The following CSMD3 variants were observed in gnomAD, a reference collection of about 807,000 sequenced individuals.
CSMD3 encodes CUB and sushi domain-containing protein 3.
CSMD3 carries 177 observed loss-of-function variants against 435.2 expected under a neutral mutation model. The observed-to-expected ratio is 0.41, with a 90% CI of 0.36 to 0.46. The LOEUF (loss-of-function observed/expected upper bound fraction) is 0.46, where lower values mean the gene tolerates loss of function less well. Ranked by LOEUF, CSMD3 falls within the 20% of genes least tolerant of loss-of-function variation. The pLI is 0.34. For missense variants in CSMD3, 4,265 were observed against 4,504.6 expected (o/e 0.95, Z 1.52); for synonymous variants, 1,656 against 1,520.5 (o/e 1.09, Z -2.07).
At chr8:112,400,926 G>T (rs1409321974) in intron 35 of CSMD3, among the ~76,000 whole-genome samples, 2 of 152,042 alleles carry the variant, frequency 1.3e-5, no homozygotes, top group African/African-American at 2.4e-5. Flanking sequence ...ATAGTCTTGG[G>T]CCAGGCCCGG....
chr8:112,535,469 G>A (rs1199634559), intron 27 of CSMD3, among the ~76,000 whole-genome samples: 1 of 151,502 alleles, frequency 6.6e-6, no homozygotes, highest in Non-Finnish European at 1.5e-5. Context: ...TACAAGGGAT[G>A]TGAAGGACCT....
intron 27 of CSMD3, among the ~76,000 whole-genome samples, chr8:112,522,232 C>T (rs886343955): frequency 6.6e-6 from 1 of 151,734 alleles, no homozygotes; most frequent in Non-Finnish European, 1.5e-5. Context: ...AAAAGATAGA[C>T]ATGTAAAAGT....
chr8:112,315,911 T>C (rs1822413718), intron 47 of CSMD3, among the ~76,000 whole-genome samples: 1 of 151,836 alleles, frequency 6.6e-6, no homozygotes, highest in South Asian at 2.1e-4. Flanking sequence ...GAGTTGGGAT[T>C]GAAAACTACT....
intron 24 of CSMD3, among the ~76,000 whole-genome samples, chr8:112,558,248 C>A (rs115473946): frequency 1.3e-5 from 2 of 151,744 alleles, no homozygotes; most frequent in Non-Finnish European, 2.9e-5. Context: ...AACCTCTCCC[C>A]CAAAGCGAGC....
At chr8:113,052,455 A>G (rs2088139607) in intron 5 of CSMD3, among the ~76,000 whole-genome samples, 1 of 152,198 alleles carries the variant, frequency 6.6e-6, no homozygotes, top group Admixed American at 6.5e-5. Context: ...TTACCATCTA[A>G]TAAGAAAAAT....
rs549250342 is a variant in CSMD3 at position 112,625,330 on chromosome 8, G to A, written c.3715+11487C>T. On this transcript the variant is annotated intron_variant, in intron 22 of 70. Transcript: ENST00000297405. ...TCTCAAACATCATGATTGAACAAGT[G>A]AGAAATCATATTATATTATCAGAAA... Among the ~76,000 whole-genome samples, 80 of 152,118 alleles carry A rather than the reference G, an allele frequency of 5.3e-4. 1 individual carries two copies. The highest frequency in any genetic ancestry group is 5.0e-3 in the South Asian group (24 of 4,814).
chr8:113,355,283 T>G (rs776773000), intron 1 of CSMD3, among the ~76,000 whole-genome samples: 7 of 151,584 alleles, frequency 4.6e-5, no homozygotes, highest in African/African-American at 1.7e-4. Flanking sequence ...CACACACACA[T>G]ATATATATAT....
At chr8:113,395,498 A>C (rs1330053659) in intron 1 of CSMD3, among the ~76,000 whole-genome samples, 1 of 151,404 alleles carries the variant, frequency 6.6e-6, no homozygotes, top group Non-Finnish European at 1.5e-5. Context: ...AGTCCCAGCT[A>C]TTCGGGAGGC....
At chr8:112,510,066 C>A (rs1382663435) in intron 28 of CSMD3, among the ~76,000 whole-genome samples, 9 of 152,116 alleles carry the variant, frequency 5.9e-5, no homozygotes, top group Non-Finnish European at 1.5e-5. Context: ...TTTTTCACTG[C>A]ATCCTTATAT....
intron 1 of CSMD3, among the ~76,000 whole-genome samples, chr8:113,335,264 C>T (rs952046679): frequency 6.6e-6 from 1 of 151,990 alleles, no homozygotes; most frequent in Admixed American, 6.6e-5. Flanking sequence ...GAATCATGAG[C>T]CAATTAAAAC....
At chr8:112,671,177 G>A (rs946169465) in intron 16 of CSMD3, among the ~76,000 whole-genome samples, 3 of 152,052 alleles carry the variant, frequency 2.0e-5, no homozygotes, top group African/African-American at 7.2e-5. Context: ...AATTTAGACA[G>A]GCTTCTTCCT....
In CSMD3 at chr8:112,306,090, C is replaced by T. The variant is rs1457467270; in HGVS notation, c.7988G>A (p.Arg2663Gln). 2.5e-6 allele frequency: 4 copies of T among 1,613,078 alleles called. No homozygotes were observed. The highest frequency in any genetic ancestry group is 1.7e-6 in the Non-Finnish European group (2 of 1,179,158). Reference sequence around the variant, plus strand: ...TGTAGTGAGTTCTTTGGATGACAATCGATATCCATCATTACAAAAATAGGT... The same window carrying T: ...TGTAGTGAGTTCTTTGGATGACAATTGATATCCATCATTACAAAAATAGGT... ...RVTYFCNDGY[R>Q]LSSKELTTAV... The change falls in exon 51 of 71, where the codon CGA (arginine) becomes CAA (glutamine). Residue 2663 changes from arginine to glutamine, a missense_variant. By Grantham distance (43) the Arg-to-Gln change is conservative. Transcript: ENST00000297405.
At chr8:112,870,195 A>C (rs1471901792) in intron 10 of CSMD3, among the ~76,000 whole-genome samples, 13 of 151,848 alleles carry the variant, frequency 8.6e-5, no homozygotes, top group Non-Finnish European at 1.9e-4. Context: ...GAAAAAAAAA[A>C]CTCAACATCA....
At chr8:113,343,988 A>T (rs1285154906) in intron 1 of CSMD3, among the ~76,000 whole-genome samples, 1 of 152,170 alleles carries the variant, frequency 6.6e-6, no homozygotes, top group African/African-American at 2.4e-5. Context: ...ATTTATATTT[A>T]AAAACAATCA....
intron 13 of CSMD3, among the ~76,000 whole-genome samples, chr8:112,751,748 A>G (rs1173059892): frequency 1.3e-5 from 2 of 151,860 alleles, no homozygotes; most frequent in Non-Finnish European, 2.9e-5. Flanking sequence ...AGAAATTTCC[A>G]CAGACTCACA....
At chr8:113,393,878 C>T (rs2094471802) in intron 1 of CSMD3, among the ~76,000 whole-genome samples, 1 of 151,652 alleles carries the variant, frequency 6.6e-6, no homozygotes, top group South Asian at 2.1e-4. Context: ...GCCTTTTTCT[C>T]TGTATCTATG....
chr8:113,279,406 T>C (rs1012442388), intron 2 of CSMD3, among the ~76,000 whole-genome samples: 2 of 151,580 alleles, frequency 1.3e-5, no homozygotes, highest in African/African-American at 2.4e-5. Context: ...GAACTATTAA[T>C]GTGTACATTA....
At chr8:112,459,345 T>TGTTG (rs1817195418) in intron 32 of CSMD3, among the ~76,000 whole-genome samples, 1 of 108,106 alleles carries the variant, frequency 9.3e-6, no homozygotes, top group Non-Finnish European at 1.9e-5. Context: ...TGTGTGTGTG[T>TGTTG]TGTGTGTGTG....
intron 4 of CSMD3, among the ~76,000 whole-genome samples, chr8:113,128,447 T>G (rs1328572103): frequency 6.6e-6 from 1 of 151,952 alleles, no homozygotes; most frequent in East Asian, 1.9e-4. Flanking sequence ...AAAATAGAGA[T>G]AGAAAATAAA....
Sources: gnomAD v4.1 joint callset for allele counts (sites outside exome capture counted in the v4.1 genomes callset) on GRCh38, gnomAD v4.1.1 for gene constraint, MANE v1.5 for transcripts, NCBI Gene and HGNC (gene_info 2026-07-23, HGNC 2026-07-21) for gene names.